KCNH7: variants seen among roughly 807,000 people sequenced by gnomAD.
The protein encoded by KCNH7 is potassium voltage-gated channel subfamily H member 7, also known as voltage-gated inwardly rectifying potassium channel KCNH7.
Under a neutral mutation model 120.8 loss-of-function variants are expected in KCNH7, and 49 were observed. That is an observed-to-expected ratio of 0.41 (90% CI 0.32 to 0.51). KCNH7 has a LOEUF of 0.51. KCNH7 is among the 20% of genes least tolerant of loss of function. The probability of loss-of-function intolerance (pLI) is 0.38; values close to 1 mark genes in which losing one functional copy is unlikely to be tolerated. For synonymous variants in KCNH7, 547 were observed against 516.1 expected (o/e 1.06, Z -0.81); for missense variants, 1,097 against 1,446.6 (o/e 0.76, Z 3.92).
chr2:162,837,547 T>G (rs1204000044), intron 1 of KCNH7, among the ~76,000 whole-genome samples: 1 of 152,208 alleles, frequency 6.6e-6, no homozygotes, highest in African/African-American at 2.4e-5. Context: ...CAAGTTTAGT[T>G]TGTACGCAAG....
chr2:162,552,303 T>C (rs1424628612), intron 2 of KCNH7, among the ~76,000 whole-genome samples: 1 of 152,208 alleles, frequency 6.6e-6, no homozygotes, highest in Non-Finnish European at 1.5e-5. Context: ...TTAGACTTTT[T>C]GAAAAATTTT....
At chr2:162,517,076 A>T (rs999745321) in intron 4 of KCNH7, among the ~76,000 whole-genome samples, 1 of 151,738 alleles carries the variant, frequency 6.6e-6, no homozygotes, top group African/African-American at 2.4e-5. Context: ...AGTTTCTGCC[A>T]CTGCTTTTTT....
rs185366511 is a variant in KCNH7, at chr2:162,791,040, G to A, written c.307+45497C>T. ...GGAAGAAGTTAAATTGTCTCTACTC[G>A]CAGATGGCATTATCTTATATAAAGA... On this transcript the variant is annotated intron_variant, in intron 2 of 15. Transcript: ENST00000332142. Among the ~76,000 whole-genome samples, 32 of 152,164 alleles carry A rather than the reference G, an allele frequency of 2.1e-4. 1 individual carries two copies. The highest frequency in any genetic ancestry group is 7.2e-4 in the Admixed American group (11 of 15,266).
chr2:162,411,808 A>G (rs1196333016), intron 9 of KCNH7, among the ~76,000 whole-genome samples: 1 of 151,586 alleles, frequency 6.6e-6, no homozygotes, highest in Non-Finnish European at 1.5e-5. Flanking sequence ...TTTCAAAATT[A>G]TTTTGGAAAT....
In KCNH7 at chr2:162,517,783, T is replaced by A; in HGVS notation, c.839A>T (p.Glu280Val). Residue 280 changes from glutamate to valine, a missense_variant, in exon 4 of 16, where the codon GAA becomes GTA. Physicochemically the swap from Glu to Val is moderately radical, Grantham distance 121. Coordinates refer to ENST00000332142, the MANE Select transcript of KCNH7 (RefSeq NM_033272.4). Reference sequence around the variant, plus strand: ...GTTCTTGGGGTGGACGCCGAATCCTTCTATATCATGGACCGAAGATGCTCT... The same window carrying A: ...GTTCTTGGGGTGGACGCCGAATCCTACTATATCATGGACCGAAGATGCTCT... Reference protein sequence around the residue: ...IRRASSVHDIEGFGVHPKNIF... With the variant: ...IRRASSVHDIVGFGVHPKNIF... 1 of 1,599,504 alleles carries A rather than the reference T, an allele frequency of 6.3e-7. No individual in the cohort carries two copies. Among genetic ancestry groups the A allele is most frequent in the Non-Finnish European group, 8.6e-7 (1 of 1,168,002 alleles).
intron 13 of KCNH7, among the ~76,000 whole-genome samples, chr2:162,381,720 G>A (rs977413381): frequency 9.9e-5 from 15 of 152,038 alleles, no homozygotes; most frequent in Admixed American, 2.6e-4. Flanking sequence ...TATTTAAAGA[G>A]GCAGTTTATA....
At chr2:162,447,003 G>C (rs1487280339) in intron 6 of KCNH7, among the ~76,000 whole-genome samples, 3 of 152,090 alleles carry the variant, frequency 2.0e-5, no homozygotes, top group African/African-American at 7.2e-5. Flanking sequence ...AAAGGCAAAT[G>C]AGATTAAAAT....
chr2:162,804,063 G>A (rs1222412384), intron 2 of KCNH7, among the ~76,000 whole-genome samples: 3 of 151,808 alleles, frequency 2.0e-5, no homozygotes, highest in Non-Finnish European at 4.4e-5. Context: ...GGTAGTTGAT[G>A]AGCAAAAACA....
intron 2 of KCNH7, among the ~76,000 whole-genome samples, chr2:162,647,111 A>AT (rs1435061308): frequency 6.6e-6 from 1 of 152,202 alleles, no homozygotes; most frequent in African/African-American, 2.4e-5. Context: ...GCTGGCTCCA[A>AT]AAAGAAAAGA....
chr2:162,546,554 C>T (rs1692484921), intron 2 of KCNH7, among the ~76,000 whole-genome samples: 1 of 152,092 alleles, frequency 6.6e-6, no homozygotes, highest in Admixed American at 6.5e-5. Context: ...AGTGAGAATC[C>T]TGGGGACAGC....
chr2:162,553,613 C>A (rs755841573), intron 2 of KCNH7, among the ~76,000 whole-genome samples: 2 of 151,774 alleles, frequency 1.3e-5, no homozygotes, highest in Non-Finnish European at 2.9e-5. Flanking sequence ...TGCGCCACTG[C>A]GGTCCATCCT....
intron 2 of KCNH7, among the ~76,000 whole-genome samples, chr2:162,740,200 G>A (rs1688073297): frequency 6.6e-6 from 1 of 152,226 alleles, no homozygotes; most frequent in South Asian, 2.1e-4. Context: ...AGGTATGTAT[G>A]TGTTGGAATA....
chr2:162,624,717 T>C (rs1285534205), intron 2 of KCNH7, among the ~76,000 whole-genome samples: 1 of 151,940 alleles, frequency 6.6e-6, no homozygotes, highest in Non-Finnish European at 1.5e-5. Context: ...ACTTTAATCA[T>C]TTTTAGTAAC....
chr2:162,452,748 C>T (rs889090243), intron 6 of KCNH7, among the ~76,000 whole-genome samples: 1 of 152,076 alleles, frequency 6.6e-6, no homozygotes, highest in Non-Finnish European at 1.5e-5. Flanking sequence ...ACATATTAAA[C>T]CTTCAAGCTT....
intron 2 of KCNH7, among the ~76,000 whole-genome samples, chr2:162,699,990 A>G (rs1686436764): frequency 6.6e-6 from 1 of 152,170 alleles, no homozygotes; most frequent in African/African-American, 2.4e-5. Flanking sequence ...TTTTCATTAA[A>G]AACAGCTACG....
At chr2:162,640,573 A>T (rs1684119108) in intron 2 of KCNH7, among the ~76,000 whole-genome samples, 1 of 152,140 alleles carries the variant, frequency 6.6e-6, no homozygotes. Flanking sequence ...CACAGGCTTA[A>T]ATGTAAAATG....
At chr2:162,793,866 T>C (rs924483617) in intron 2 of KCNH7, among the ~76,000 whole-genome samples, 2 of 151,976 alleles carry the variant, frequency 1.3e-5, no homozygotes, top group African/African-American at 4.8e-5. Flanking sequence ...AAATATAATG[T>C]ACAGGATGGA....
At chr2:162,659,945 T>C (rs1336209394) in intron 2 of KCNH7, among the ~76,000 whole-genome samples, 4 of 152,194 alleles carry the variant, frequency 2.6e-5, no homozygotes, top group African/African-American at 9.6e-5. Context: ...TTATTTTCTT[T>C]TTAATATCCA....
chr2:162,833,223 C>T (rs762471964), intron 2 of KCNH7, among the ~76,000 whole-genome samples: 1 of 152,038 alleles, frequency 6.6e-6, no homozygotes, highest in Non-Finnish European at 1.5e-5. Flanking sequence ...CTAGCTAGCT[C>T]TCTTCCGTGA....
Sources: gnomAD v4.1 joint callset for allele counts (sites outside exome capture counted in the v4.1 genomes callset) on GRCh38, gnomAD v4.1.1 for gene constraint, MANE v1.5 for transcripts, NCBI Gene and HGNC (gene_info 2026-07-23, HGNC 2026-07-21) for gene names.